Variants in CHSY3 observed in about 807,000 individuals in gnomAD.
CHSY3 encodes chondroitin sulfate synthase 3.
Under a neutral mutation model 67.2 loss-of-function variants are expected in CHSY3, and 35 were observed. The observed-to-expected ratio is 0.52, with a 90% CI of 0.40 to 0.69. CHSY3 has a LOEUF of 0.69. Among genes scored for constraint, CHSY3 ranks in the 30% least tolerant of loss-of-function variants. The pLI, the probability that CHSY3 is intolerant of heterozygous loss-of-function variation, is 0.00. For synonymous variants in CHSY3, 474 were observed against 434.7 expected, an observed-to-expected ratio of 1.09 and a Z score of -1.12; for missense variants, 1,069 against 1,138.5, an observed-to-expected ratio of 0.94 and a Z score of 0.88.
intron 2 of CHSY3, among the ~76,000 whole-genome samples, chr5:130,175,927 A>G (rs1293016831): frequency 6.6e-6 from 1 of 152,216 alleles, no homozygotes; most frequent in Admixed American, 6.5e-5. Context: ...CATACCATTC[A>G]GGACATAGGC....
chr5:129,945,916 CT>C (rs2149597687), intron 2 of CHSY3, among the ~76,000 whole-genome samples: 1 of 151,202 alleles, frequency 6.6e-6, no homozygotes, highest in South Asian at 2.1e-4. Context: ...TTTTTTTATT[CT>C]GTAGATGTGA....
intron 2 of CHSY3, among the ~76,000 whole-genome samples, chr5:130,048,772 A>T (rs764961119): frequency 7.9e-5 from 12 of 151,870 alleles, no homozygotes; most frequent in South Asian, 4.2e-4. Context: ...TGTGAGTGAG[A>T]TGGGGAGGAT....
intron 2 of CHSY3, among the ~76,000 whole-genome samples, chr5:130,121,134 G>T: frequency 6.6e-6 from 1 of 152,140 alleles, no homozygotes; most frequent in Non-Finnish European, 1.5e-5. Context: ...CAACTTTAAT[G>T]TGCATATGAG....
intron 2 of CHSY3, among the ~76,000 whole-genome samples, chr5:129,952,245 G>A (rs1242194148): frequency 1.3e-5 from 2 of 152,120 alleles, no homozygotes; most frequent in African/African-American, 4.8e-5. Context: ...CTGCTGGGTT[G>A]GAGGGTTTGG....
At chr5:130,095,102 A>G (rs941481996) in intron 2 of CHSY3, among the ~76,000 whole-genome samples, 9 of 152,150 alleles carry the variant, frequency 5.9e-5, no homozygotes, top group African/African-American at 1.9e-4. Context: ...CATAATATGT[A>G]TACATATACA....
chr5:130,145,193 G>A (rs1326987687), intron 2 of CHSY3, among the ~76,000 whole-genome samples: 4 of 152,118 alleles, frequency 2.6e-5, no homozygotes, highest in Non-Finnish European at 1.5e-5. Context: ...GATTTGGGTG[G>A]AGACACATAT....
intron 2 of CHSY3, among the ~76,000 whole-genome samples, chr5:130,006,546 A>G (rs1055896285): frequency 3.9e-5 from 6 of 152,208 alleles, no homozygotes; most frequent in African/African-American, 1.2e-4. Flanking sequence ...GAAACTCAGA[A>G]TATATAAACT....
In CHSY3 at chr5:129,904,912, C is replaced by A. The variant is rs1443741482; in HGVS notation, c.83C>A (p.Ala28Asp). 6.5e-7 allele frequency: 1 copy of A among 1,536,052 alleles called. No homozygotes were observed. The highest frequency in any genetic ancestry group is 8.7e-7 in the Non-Finnish European group (1 of 1,143,984). ...TTCACCGCCGCGTCCTGGCTCATCG[C>A]CCCCAGGGTGGCGGAGCTGAGCGAG... ...LGFTAASWLI[A>D]PRVAELSERK... Residue 28 changes from alanine to aspartate, a missense_variant, in exon 1 of 3, where the codon GCC (alanine) becomes GAC (aspartate). Coordinates refer to ENST00000305031, the MANE Select transcript of CHSY3 (RefSeq NM_175856.5).
intron 2 of CHSY3, among the ~76,000 whole-genome samples, chr5:129,914,199 C>G (rs993056278): frequency 4.6e-5 from 7 of 152,150 alleles, no homozygotes; most frequent in Non-Finnish European, 8.8e-5. Context: ...CAACCTCCCC[C>G]TCCCAGGTTC....
chr5:130,012,946 A>G (rs1204203420), intron 2 of CHSY3, among the ~76,000 whole-genome samples: 1 of 152,006 alleles, frequency 6.6e-6, no homozygotes, highest in Middle Eastern at 3.2e-3. Flanking sequence ...TCTACCTATG[A>G]GCCTGTAAAA....
At chr5:130,181,996 G>A (rs1157751195) in intron 2 of CHSY3, among the ~76,000 whole-genome samples, 3 of 150,112 alleles carry the variant, frequency 2.0e-5, no homozygotes, top group African/African-American at 7.3e-5. Flanking sequence ...GTGTATGTAT[G>A]TATATATATA....
At chr5:129,986,468 A>G (rs1022078241) in intron 2 of CHSY3, among the ~76,000 whole-genome samples, 2 of 152,030 alleles carry the variant, frequency 1.3e-5, no homozygotes, top group African/African-American at 4.8e-5. Context: ...TTCATCCGGG[A>G]TATTGGCCTA....
intron 2 of CHSY3, among the ~76,000 whole-genome samples, chr5:130,144,908 C>T (rs74950581): frequency 0.046 from 7,012 of 152,222 alleles, 390 homozygotes; most frequent in East Asian, 0.27. Flanking sequence ...ATGATGCTGG[C>T]ATTTGCTTGG....
At chr5:130,103,027 A>G (rs750899238) in intron 2 of CHSY3, among the ~76,000 whole-genome samples, 3 of 152,022 alleles carry the variant, frequency 2.0e-5, no homozygotes, top group Non-Finnish European at 4.4e-5. Flanking sequence ...CCAGCTAAAA[A>G]GAAAAAAAAA....
intron 2 of CHSY3, among the ~76,000 whole-genome samples, chr5:130,076,639 T>C (rs1487967395): frequency 6.6e-6 from 1 of 151,996 alleles, no homozygotes; most frequent in Non-Finnish European, 1.5e-5. Context: ...TATGTTAAGA[T>C]ACATACACAT....
chr5:130,022,347 A>G (rs1764416463), intron 2 of CHSY3, among the ~76,000 whole-genome samples: 1 of 152,058 alleles, frequency 6.6e-6, no homozygotes, highest in Admixed American at 6.6e-5. Flanking sequence ...AGTCATGACT[A>G]AGTATTGTAC....
intron 2 of CHSY3, among the ~76,000 whole-genome samples, chr5:130,159,738 G>A (rs1016223620): frequency 5.9e-5 from 9 of 152,146 alleles, no homozygotes; most frequent in Non-Finnish European, 1.2e-4. Context: ...ATGACTAGAG[G>A]TATGATTGGT....
intron 2 of CHSY3, among the ~76,000 whole-genome samples, chr5:130,164,495 T>C (rs1769670191): frequency 6.6e-6 from 1 of 152,200 alleles, no homozygotes; most frequent in Admixed American, 6.5e-5. Context: ...ATATGTTTTA[T>C]TCAATTTCAT....
intron 2 of CHSY3, among the ~76,000 whole-genome samples, chr5:130,121,417 T>C (rs976883677): frequency 1.3e-5 from 2 of 152,036 alleles, no homozygotes; most frequent in East Asian, 3.9e-4. Flanking sequence ...TGTTGAAGAG[T>C]TGTGAATTGT....
Sources: allele counts gnomAD v4.1 joint callset (sites outside exome capture counted in the v4.1 genomes callset), GRCh38; gene constraint gnomAD v4.1.1; transcripts MANE v1.5; gene names NCBI Gene and HGNC (gene_info 2026-07-23, HGNC 2026-07-21).